Variants in DGKB observed in about 807,000 individuals in gnomAD.
DGKB encodes 90 kDa diacylglycerol kinase.
Under a neutral mutation model 114.3 loss-of-function variants are expected in DGKB, and 67 were observed. The ratio of observed to expected loss-of-function variants is 0.59; its 90% confidence interval spans 0.48 to 0.72. DGKB has a LOEUF of 0.72. Among genes scored for constraint, DGKB ranks in the 30% least tolerant of loss-of-function variants. The pLI is 0.00. For missense variants in DGKB, 907 were observed against 975.2 expected, an observed-to-expected ratio of 0.93 and a Z score of 0.93; for synonymous variants, 398 against 323.1, an observed-to-expected ratio of 1.23 and a Z score of -2.49.
intron 1 of DGKB, among the ~76,000 whole-genome samples, chr7:14,899,476 T>C (rs1167585055): frequency 1.3e-5 from 2 of 152,124 alleles, no homozygotes; most frequent in Non-Finnish European, 1.5e-5. Flanking sequence ...AAAGAGTTTG[T>C]TATTTAGTGT....
At chr7:14,402,481 T>C (rs1823293191) in intron 21 of DGKB, among the ~76,000 whole-genome samples, 1 of 151,906 alleles carries the variant, frequency 6.6e-6, no homozygotes, top group South Asian at 2.1e-4. Context: ...AGGAATTGCA[T>C]ATTTTAAAAA....
intron 2 of DGKB, among the ~76,000 whole-genome samples, chr7:14,779,182 G>C (rs1186314916): frequency 6.6e-6 from 1 of 151,980 alleles, no homozygotes; most frequent in Non-Finnish European, 1.5e-5. Flanking sequence ...AATATGAAAA[G>C]TTTGTCATCT....
intron 6 of DGKB, among the ~76,000 whole-genome samples, chr7:14,717,382 T>C (rs778153988): frequency 1.3e-5 from 2 of 152,126 alleles, no homozygotes; most frequent in Non-Finnish European, 2.9e-5. Flanking sequence ...GTCACTTCAA[T>C]AGAAATTCAC....
intron 21 of DGKB, among the ~76,000 whole-genome samples, chr7:14,355,235 C>T (rs1294783740): frequency 6.6e-6 from 1 of 152,080 alleles, no homozygotes; most frequent in Admixed American, 6.6e-5. Flanking sequence ...ATTGTTTAAG[C>T]ACAGGTGTGA....
At chr7:14,702,554 T>A (rs1825384812) in intron 6 of DGKB, among the ~76,000 whole-genome samples, 2 of 152,126 alleles carry the variant, frequency 1.3e-5, no homozygotes, top group South Asian at 2.1e-4. Flanking sequence ...TTCCCTTGTA[T>A]AATTCACACA....
At chr7:14,476,656 A>T (rs1782215255) in intron 21 of DGKB, among the ~76,000 whole-genome samples, 1 of 152,180 alleles carries the variant, frequency 6.6e-6, no homozygotes, top group African/African-American at 2.4e-5. Flanking sequence ...ACTATAAGAA[A>T]AAAGCAAATC....
intron 1 of DGKB, among the ~76,000 whole-genome samples, chr7:14,871,459 G>A (rs1184553558): frequency 6.6e-6 from 1 of 152,034 alleles, no homozygotes; most frequent in Non-Finnish European, 1.5e-5. Context: ...ATTGTCTTTA[G>A]TTACCATGAT....
At chr7:14,282,494 C>T (rs909268590) in intron 23 of DGKB, among the ~76,000 whole-genome samples, 67 of 151,996 alleles carry the variant, frequency 4.4e-4, no homozygotes, top group African/African-American at 1.5e-3. Context: ...AAGAGGGAAT[C>T]CTCCCTCACT....
At chr7:14,331,166 A>C (rs1377484825) in intron 23 of DGKB, among the ~76,000 whole-genome samples, 1 of 152,088 alleles carries the variant, frequency 6.6e-6, no homozygotes, top group Non-Finnish European at 1.5e-5. Context: ...ACATCTACTT[A>C]AAGGTTACTA....
chr7:14,653,868 T>C (rs181802527), intron 13 of DGKB, among the ~76,000 whole-genome samples: 152 of 152,094 alleles, frequency 1.0e-3, no homozygotes, highest in Admixed American at 3.5e-3. Flanking sequence ...AAATTGGACA[T>C]AGAATTAGAT....
chr7:14,822,465 G>T (rs923090141), intron 2 of DGKB, among the ~76,000 whole-genome samples: 1 of 152,124 alleles, frequency 6.6e-6, no homozygotes, highest in Non-Finnish European at 1.5e-5. Flanking sequence ...ATTTGGGGGA[G>T]AAATGATTGG....
chr7:14,922,294 T>TGG (rs1784541496), intron 1 of DGKB, among the ~76,000 whole-genome samples: 1 of 151,888 alleles, frequency 6.6e-6, no homozygotes, highest in African/African-American at 2.4e-5. Context: ...TGGGGTGCCA[T>TGG]GTACGTCTAT....
intron 17 of DGKB, among the ~76,000 whole-genome samples, chr7:14,595,275 G>C (rs10246717): frequency 0.46 from 69,737 of 151,776 alleles, 16,170 homozygotes; most frequent in Middle Eastern, 0.5. Flanking sequence ...CATACTGTCA[G>C]TGGGAATGAG....
intron 13 of DGKB, among the ~76,000 whole-genome samples, chr7:14,655,281 A>G (rs1271563688): frequency 6.6e-6 from 1 of 150,536 alleles, no homozygotes; most frequent in Non-Finnish European, 1.5e-5. Context: ...AAAGTATATA[A>G]AAAATGTTCA....
chr7:14,277,224 G>A (rs1799155984), intron 23 of DGKB, among the ~76,000 whole-genome samples: 1 of 152,018 alleles, frequency 6.6e-6, no homozygotes, highest in Non-Finnish European at 1.5e-5. Context: ...GGGCTAGAGT[G>A]CAGTGATGTG....
intron 9 of DGKB, among the ~76,000 whole-genome samples, chr7:14,687,433 G>C (rs1201772436): frequency 6.6e-6 from 1 of 151,994 alleles, no homozygotes; most frequent in Non-Finnish European, 1.5e-5. Context: ...CTAAGAAATA[G>C]GCTTTGTATT....
intron 20 of DGKB, among the ~76,000 whole-genome samples, chr7:14,525,377 A>C (rs908008393): frequency 1.3e-5 from 2 of 152,222 alleles, no homozygotes; most frequent in Non-Finnish European, 2.9e-5. Context: ...TTAAAAATGA[A>C]ATATTCTTAG....
intron 20 of DGKB, among the ~76,000 whole-genome samples, chr7:14,507,725 C>T (rs1231896309): frequency 6.6e-6 from 1 of 152,128 alleles, no homozygotes; most frequent in Non-Finnish European, 1.5e-5. Context: ...TATGTACTAT[C>T]TATCGAAATT....
chr7:14,279,074 G>C (rs113798123), intron 23 of DGKB, among the ~76,000 whole-genome samples: 1 of 152,112 alleles, frequency 6.6e-6, no homozygotes, highest in Non-Finnish European at 1.5e-5. Flanking sequence ...CTCAGGAAGC[G>C]CAAGGGGTCA....
Sources: gnomAD v4.1 joint callset for allele counts (sites outside exome capture counted in the v4.1 genomes callset) on GRCh38, gnomAD v4.1.1 for gene constraint, MANE v1.5 for transcripts, NCBI Gene and HGNC (gene_info 2026-07-23, HGNC 2026-07-21) for gene names.